Variants in UROS observed in about 807,000 individuals in gnomAD.
UROS encodes the protein uroporphyrinogen III synthase.
Under a neutral mutation model 33.0 loss-of-function variants are expected in UROS, and 18 were observed. That is an observed-to-expected ratio of 0.55 (90% confidence interval 0.38 to 0.81). UROS has a LOEUF of 0.81. UROS is among the 30% of genes least tolerant of loss of function. UROS has a pLI of 0.00. For synonymous variants in UROS, 114 were observed against 121.1 expected, an observed-to-expected ratio of 0.94 and a Z score of 0.38; for missense variants, 293 against 314.9, an observed-to-expected ratio of 0.93 and a Z score of 0.53.
intron 6 of UROS, chr10:125,802,751 G>C: frequency 7.1e-7 from 1 of 1,417,602 alleles, no homozygotes; most frequent in Non-Finnish European, 9.2e-7. Flanking sequence ...AGCCCAGGTA[G>C]GGAGGGTAGG....
At chr10:125,816,716 G>C (rs146167028) in intron 1 of UROS, 191 bp from the exon 2 acceptor site, 10 of 617,416 alleles carry the variant, frequency 1.6e-5, no homozygotes, top group Admixed American at 2.7e-5. Flanking sequence ...GGCCAAGAAA[G>C]AGCATGTTAG....
intron 9 of UROS, among the ~76,000 whole-genome samples, chr10:125,791,067 G>A (rs1186492348): frequency 6.7e-6 from 1 of 149,612 alleles, no homozygotes. Context: ...ACTCCAGCCT[G>A]GGCAACAGAG....
At position 125,813,872 on chromosome 10, in the gene UROS, C is replaced by T. The variant is rs142495387; in HGVS notation, c.244+1162G>A. Among the ~76,000 whole-genome samples the T allele has an allele frequency of 6.1e-3, 926 of 152,328 alleles. 13 individuals carry two copies. Among genetic ancestry groups the T allele is most frequent in the African/African-American group, 0.021 (867 of 41,570 alleles). On this transcript the variant is annotated intron_variant, in intron 4 of 9. Coordinates refer to ENST00000368797, the MANE Select transcript of UROS (RefSeq NM_000375.3). ...AGAAGGTGGGATGTTTAGGCTACAG[C>T]GAAGCCTGGTTAAATGTGGAGACAG...
At chr10:125,789,425 TCAAG>T in intron 9 of UROS, 1 of 1,095,336 alleles carries the variant, frequency 9.1e-7, no homozygotes, top group Non-Finnish European at 1.1e-6. Flanking sequence ...AGTAGAGCCA[TCAAG>T]GTCAGGGCTC....
chr10:125,804,499 G>A (rs745803901), intron 6 of UROS, among the ~76,000 whole-genome samples: 1 of 152,158 alleles, frequency 6.6e-6, no homozygotes, highest in Non-Finnish European at 1.5e-5. Context: ...TACTGAACCT[G>A]AGTAGGGAGT....
At chr10:125,794,423 A>T in intron 9 of UROS, 1 of 939,516 alleles carries the variant, frequency 1.1e-6, no homozygotes, top group Non-Finnish European at 1.3e-6. Flanking sequence ...TTATTTGTAG[A>T]CTCATAATAA....
intron 6 of UROS, among the ~76,000 whole-genome samples, chr10:125,799,588 G>C (rs1054741335): frequency 6.6e-6 from 1 of 152,174 alleles, no homozygotes; most frequent in African/African-American, 2.4e-5. Flanking sequence ...GTCCTGAGCT[G>C]CTCATTCTTA....
chr10:125,788,623 G>A lies in UROS; in HGVS notation c.*245C>T. Reference sequence around the variant, plus strand: ...GTGTGGTTTATTTGACTTCCTTCCTGCTGGGCACAGGAAGCTCTCACAGGG... The same window carrying A: ...GTGTGGTTTATTTGACTTCCTTCCTACTGGGCACAGGAAGCTCTCACAGGG... On this transcript the variant is annotated 3_prime_UTR_variant, in exon 10 of 10. Coordinates refer to ENST00000368797, the MANE Select transcript of UROS (RefSeq NM_000375.3). The A allele has an allele frequency of 1.4e-6, 2 of 1,405,708 alleles. No homozygotes were observed. Among genetic ancestry groups the A allele is most frequent in the Non-Finnish European group, 1.8e-6 (2 of 1,082,950 alleles). 87.1% of individuals were successfully genotyped at this position (1,405,708 alleles called of 1,614,324 possible). A position where few individuals can be genotyped will look rare whatever the true frequency, so the allele number is the denominator to read the frequency against.
intron 1 of UROS, among the ~76,000 whole-genome samples, chr10:125,822,471 C>T (rs1351425761): frequency 6.6e-6 from 1 of 151,978 alleles, no homozygotes; most frequent in Non-Finnish European, 1.5e-5. Context: ...TACAGGCGCG[C>T]ACCACCACAC....
chr10:125,792,591 A>C (rs1005750181), intron 9 of UROS: 1 of 152,262 alleles, frequency 6.6e-6, no homozygotes, highest in Non-Finnish European at 1.5e-5. Flanking sequence ...ACTGCTTTGC[A>C]GTGACATCTC....
At chr10:125,803,346 C>T (rs1029055673) in intron 6 of UROS, among the ~76,000 whole-genome samples, 2 of 152,144 alleles carry the variant, frequency 1.3e-5, no homozygotes, top group Admixed American at 6.5e-5. Flanking sequence ...TCTGTTATGC[C>T]CCCAGAGCCT....
intron 9 of UROS, among the ~76,000 whole-genome samples, chr10:125,790,311 A>T (rs1280590316): frequency 6.6e-6 from 1 of 152,206 alleles, no homozygotes; most frequent in East Asian, 1.9e-4. Context: ...CAGAGCTAAA[A>T]CTACACAACT....
chr10:125,796,284 A>G (rs1851355730), intron 7 of UROS, 96 bp from the exon 8 acceptor site: 2 of 1,201,092 alleles, frequency 1.7e-6, no homozygotes, highest in Non-Finnish European at 2.5e-6. Flanking sequence ...CTCCCAATAC[A>G]GCACCACCCT....
At position 125,788,706 on chromosome 10, in the gene UROS, GC is replaced by G; in HGVS notation, c.*161del. ...TCACGTGCACGTGGGCCTGAGGCCA[GC>G]CCCAGGTCAGGTCCCGATCCCCGGT... On this transcript the variant is annotated 3_prime_UTR_variant, in exon 10 of 10. Transcript: ENST00000368797. The G allele has an allele frequency of 7.0e-7, 1 of 1,435,230 alleles. No individual in the cohort carries two copies. The highest frequency in any genetic ancestry group is 9.1e-7 in the Non-Finnish European group (1 of 1,098,878). 88.9% of individuals were successfully genotyped at this position (1,435,230 alleles called of 1,614,324 possible).
At chr10:125,818,103 CT>C (rs1315263012) in intron 1 of UROS, among the ~76,000 whole-genome samples, 1 of 152,226 alleles carries the variant, frequency 6.6e-6, no homozygotes, top group Non-Finnish European at 1.5e-5. Flanking sequence ...AACTACTACC[CT>C]TATCCTTTAT....
At chr10:125,798,750 T>C (rs1420267062) in intron 6 of UROS, among the ~76,000 whole-genome samples, 1 of 152,214 alleles carries the variant, frequency 6.6e-6, no homozygotes, top group African/African-American at 2.4e-5. Flanking sequence ...ACGGCCTGCC[T>C]CTCCTTTCAC....
chr10:125,795,088 T>G, intron 8 of UROS, 110 bp from the exon 9 acceptor site: 1 of 1,025,558 alleles, frequency 9.8e-7, no homozygotes, highest in Non-Finnish European at 1.5e-6. Flanking sequence ...CCAAGGCGGT[T>G]TTAGCACAGG....
intron 6 of UROS, among the ~76,000 whole-genome samples, chr10:125,805,570 C>T (rs999980321): frequency 5.3e-5 from 8 of 152,154 alleles, no homozygotes; most frequent in African/African-American, 1.9e-4. Flanking sequence ...AATTTGGTGC[C>T]ACTGGCCACA....
At position 125,794,879 on chromosome 10, in the gene UROS, C is replaced by T; in HGVS notation, c.660+1G>A. The T allele has an allele frequency of 6.2e-7, 1 of 1,611,034 alleles. No individual in the cohort carries two copies. Among genetic ancestry groups the T allele is most frequent in the Non-Finnish European group, 8.5e-7 (1 of 1,177,496 alleles). On this transcript the variant is annotated splice_donor_variant, in intron 9 of 9. Coordinates refer to ENST00000368797, the MANE Select transcript of UROS (RefSeq NM_000375.3). LOFTEE classifies it high-confidence loss of function. ...GACCAAAAGCTCATTGAATAACTTA[C>T]CTTAATTTGATCGATATTGTCACCA...
Sources: gnomAD v4.1 joint callset for allele counts (sites outside exome capture counted in the v4.1 genomes callset) on GRCh38, gnomAD v4.1.1 for gene constraint, MANE v1.5 for transcripts, NCBI Gene and HGNC (gene_info 2026-07-23, HGNC 2026-07-21) for gene names.